Variants in PIK3C3 observed in about 807,000 individuals in gnomAD.
PIK3C3 encodes the protein PI3-kinase type 3.
PIK3C3 carries 95 observed loss-of-function variants against 126.1 expected under a neutral mutation model. That is an observed-to-expected ratio of 0.75 (90% CI 0.64 to 0.89). The LOEUF (loss-of-function observed/expected upper bound fraction) is 0.89, where lower values mean the gene tolerates loss of function less well. PIK3C3 is among the 40% of genes least tolerant of loss of function. The pLI is 0.00. For missense variants in PIK3C3, 829 were observed against 1,063.2 expected (o/e 0.78, Z 3.06); for synonymous variants, 374 against 360.0 (o/e 1.04, Z -0.44).
chr18:42,076,113 TATATATATGC>T (rs1217266373), intron 24 of PIK3C3, among the ~76,000 whole-genome samples: 8 of 77,684 alleles, frequency 1.0e-4, no homozygotes, highest in Admixed American at 8.3e-4. Flanking sequence ...TATATATATA[TATATATATGC>T]GCATATATAT....
At chr18:41,994,541 A>G (rs1053757682) in intron 7 of PIK3C3, among the ~76,000 whole-genome samples, 6 of 152,164 alleles carry the variant, frequency 3.9e-5, no homozygotes, top group African/African-American at 1.4e-4. Context: ...GTGTAAACCA[A>G]TATACTGGTT....
At chr18:42,058,200 C>A in intron 22 of PIK3C3, 149 bp downstream of exon 22, 1 of 580,816 alleles carries the variant, frequency 1.7e-6, no homozygotes, top group Non-Finnish European at 2.8e-6. Flanking sequence ...ACATTTAATA[C>A]CAATTTTGAC....
At chr18:41,966,229 G>A (rs1980360783) in intron 3 of PIK3C3, among the ~76,000 whole-genome samples, 2 of 146,932 alleles carry the variant, frequency 1.4e-5, no homozygotes, top group Admixed American at 1.4e-4. Flanking sequence ...CCCTGCTGTG[G>A]GGTGATCTGA....
intron 20 of PIK3C3, among the ~76,000 whole-genome samples, chr18:42,045,636 G>C (rs1011103303): frequency 1.3e-5 from 2 of 152,146 alleles, no homozygotes; most frequent in African/African-American, 4.8e-5. Context: ...TACTATATCA[G>C]CTTATAGTAT....
At chr18:42,032,821 G>A (rs1408282906) in intron 15 of PIK3C3, among the ~76,000 whole-genome samples, 1 of 152,062 alleles carries the variant, frequency 6.6e-6, no homozygotes, top group Non-Finnish European at 1.5e-5. Context: ...CATACCAGTT[G>A]ATTTTCAGTT....
chr18:41,959,799 A>G (rs561531713), intron 2 of PIK3C3, among the ~76,000 whole-genome samples: 1 of 152,328 alleles, frequency 6.6e-6, no homozygotes, highest in East Asian at 1.9e-4. Context: ...ATCTCAAAAA[A>G]AAAGAATAGT....
chr18:41,978,521 A>G (rs1981042619), intron 4 of PIK3C3, among the ~76,000 whole-genome samples: 1 of 152,214 alleles, frequency 6.6e-6, no homozygotes, highest in South Asian at 2.1e-4. Flanking sequence ...CAAGGGGACA[A>G]TTTGGCATGG....
intron 24 of PIK3C3, among the ~76,000 whole-genome samples, chr18:42,078,383 C>CAAAAAA (rs60269462): frequency 1.4e-5 from 1 of 72,844 alleles, no homozygotes; most frequent in Non-Finnish European, 2.7e-5. Context: ...GACTCTGTCT[C>CAAAAAA]AAAAAAAAAA....
In PIK3C3 at chr18:42,082,559, TTA is replaced by T. The variant is rs1320274085; in HGVS notation, c.*1424_*1425del. The T allele has an allele frequency of 1.1e-4, 16 of 152,198 alleles. No individual in the cohort carries two copies. The highest frequency in any genetic ancestry group is 9.2e-4 in the Admixed American group (14 of 15,274). 9.4% of individuals were successfully genotyped at this position (152,198 alleles called of 1,614,324 possible). ...CTTTCTTTTTCTTTTCTTCACATGTTTATGTCTTTTTTGTTATTAGTCAGACA... is the reference window on the plus strand; with the variant it reads ...CTTTCTTTTTCTTTTCTTCACATGTTTGTCTTTTTTGTTATTAGTCAGACA... On this transcript the variant is annotated 3_prime_UTR_variant, in exon 25 of 25. Transcript: ENST00000262039.
intron 10 of PIK3C3, among the ~76,000 whole-genome samples, chr18:42,004,753 T>A (rs990847912): frequency 6.6e-6 from 1 of 152,180 alleles, no homozygotes; most frequent in African/African-American, 2.4e-5. Context: ...AAAATTTACT[T>A]CCTGATCTGT....
chr18:42,076,199 TATATATATGCAC>T (rs1986024176), intron 24 of PIK3C3, among the ~76,000 whole-genome samples: 1 of 142,966 alleles, frequency 7.0e-6, no homozygotes, highest in South Asian at 2.1e-4. Flanking sequence ...TATGCACACA[TATATATATGCAC>T]ATATATATAT....
intron 3 of PIK3C3, among the ~76,000 whole-genome samples, chr18:41,968,058 C>T (rs1189763793): frequency 6.6e-6 from 1 of 152,212 alleles, no homozygotes; most frequent in African/African-American, 2.4e-5. Flanking sequence ...TGTTCACTTG[C>T]TCATTTGAGT....
intron 2 of PIK3C3, among the ~76,000 whole-genome samples, chr18:41,959,203 T>C (rs1979950474): frequency 6.6e-6 from 1 of 152,194 alleles, no homozygotes; most frequent in African/African-American, 2.4e-5. Flanking sequence ...CAAAAACATT[T>C]TGGTAAGGAA....
intron 22 of PIK3C3, among the ~76,000 whole-genome samples, chr18:42,062,490 T>A (rs1177173944): frequency 6.6e-6 from 1 of 152,122 alleles, no homozygotes; most frequent in Non-Finnish European, 1.5e-5. Flanking sequence ...AGTGTTAGTG[T>A]ATTTTATGTA....
intron 16 of PIK3C3, among the ~76,000 whole-genome samples, chr18:42,036,214 A>G (rs1381888880): frequency 3.3e-5 from 5 of 152,086 alleles, no homozygotes; most frequent in Non-Finnish European, 7.4e-5. Context: ...ACCATTTTCC[A>G]TGTTTTTGTT....
intron 17 of PIK3C3, among the ~76,000 whole-genome samples, chr18:42,038,217 C>G (rs1294812860): frequency 1.3e-5 from 2 of 152,018 alleles, no homozygotes; most frequent in Admixed American, 1.3e-4. Flanking sequence ...GAAAGGACTG[C>G]ATGAAGTGAT....
At chr18:42,042,764 G>T (rs1984378616) in intron 19 of PIK3C3, among the ~76,000 whole-genome samples, 1 of 152,142 alleles carries the variant, frequency 6.6e-6, no homozygotes, top group Non-Finnish European at 1.5e-5. Context: ...GTTGTTTTTC[G>T]ATAATTAAAA....
intron 20 of PIK3C3, chr18:42,049,305 G>A: frequency 2.6e-6 from 1 of 378,912 alleles, no homozygotes. Flanking sequence ...TTTGATGCAA[G>A]TGACTTTTGT....
intron 22 of PIK3C3, among the ~76,000 whole-genome samples, chr18:42,063,887 C>T (rs1985426559): frequency 6.6e-6 from 1 of 152,076 alleles, no homozygotes; most frequent in Non-Finnish European, 1.5e-5. Context: ...TGCCTAAAAC[C>T]AACGCTTTCC....
Sources: gnomAD v4.1 joint callset for allele counts (sites outside exome capture counted in the v4.1 genomes callset) on GRCh38, gnomAD v4.1.1 for gene constraint, MANE v1.5 for transcripts, NCBI Gene and HGNC (gene_info 2026-07-23, HGNC 2026-07-21) for gene names.